The following TUSC3 variants were observed in gnomAD, a reference collection of about 807,000 sequenced individuals.
TUSC3 encodes the protein tumor suppressor candidate 3.
Under a neutral mutation model 44.8 loss-of-function variants are expected in TUSC3, and 45 were observed. That is an observed-to-expected ratio of 1.00 (90% CI 0.79 to 1.29). The LOEUF is 1.29. Among genes scored for constraint, TUSC3 ranks in the 50% most tolerant of loss-of-function variants. The pLI, the probability that TUSC3 is intolerant of heterozygous loss-of-function variation, is 0.00. For missense variants in TUSC3, 519 were observed against 437.9 expected (o/e 1.19, Z -1.65); for synonymous variants, 212 against 152.9 (o/e 1.39, Z -2.85).
chr8:15,838,168 G>C, the TUSC3 span, among the ~76,000 whole-genome samples: 1 of 152,184 alleles, frequency 6.6e-6, no homozygotes, highest in South Asian at 2.1e-4. Flanking sequence ...TATCTTCCTA[G>C]CCTGTGCACA....
intron 1 of TUSC3, among the ~76,000 whole-genome samples, chr8:15,427,614 C>A (rs1799819999): frequency 6.6e-6 from 1 of 152,118 alleles, no homozygotes; most frequent in African/African-American, 2.4e-5. Context: ...TCCTTTCATT[C>A]CCGCTGTAAA....
At chr8:15,451,283 G>C (rs987989752) in intron 1 of TUSC3, among the ~76,000 whole-genome samples, 1 of 152,118 alleles carries the variant, frequency 6.6e-6, no homozygotes, top group Admixed American at 6.5e-5. Context: ...AATCCCTTTA[G>C]TAATAAGTGT....
intron 9 of TUSC3, among the ~76,000 whole-genome samples, chr8:15,750,970 G>C (rs62503677): frequency 0.19 from 29,104 of 152,184 alleles, 3,665 homozygotes; most frequent in Non-Finnish European, 0.28. Flanking sequence ...AATCAGAAGA[G>C]AGCCTATCAA....
chr8:15,702,110 G>A (rs1304870538), intron 6 of TUSC3, among the ~76,000 whole-genome samples: 1 of 152,080 alleles, frequency 6.6e-6, no homozygotes, highest in African/African-American at 2.4e-5. Flanking sequence ...TGTGGAGAAC[G>A]AAATCAAGAG....
At position 15,427,837 on chromosome 8, in the gene TUSC3, C is replaced by G. The variant is rs148240873; in HGVS notation, n.91+10532C>G. ...AAAAAATCTTTGACAACACCAATGTCAAGAAGCTTTTCCCCTGTTTTCTTC... is the reference window on the plus strand; with the variant it reads ...AAAAAATCTTTGACAACACCAATGTGAAGAAGCTTTTCCCCTGTTTTCTTC... On this transcript the variant is annotated intron_variant and non_coding_transcript_variant, in intron 1 of 5. Transcript: ENST00000503191. Among the ~76,000 whole-genome samples the G allele has an allele frequency of 1.1e-4, 16 of 152,252 alleles. No homozygotes were observed. In the South Asian group the frequency reaches 3.1e-3, roughly 30 times the overall value.
chr8:15,488,698 T>C (rs1336530152), intron 2 of TUSC3, among the ~76,000 whole-genome samples: 1 of 152,164 alleles, frequency 6.6e-6, no homozygotes, highest in African/African-American at 2.4e-5. Context: ...AAAGATGTCA[T>C]AGCTCATTTT....
intron 1 of TUSC3, among the ~76,000 whole-genome samples, chr8:15,613,818 C>G (rs145645039): frequency 3.3e-5 from 5 of 152,202 alleles, no homozygotes; most frequent in African/African-American, 1.2e-4. Flanking sequence ...ACTTTTTTGA[C>G]CCAACTTTCA....
chr8:15,474,622 T>A (rs548097587), intron 1 of TUSC3, among the ~76,000 whole-genome samples: 4 of 152,206 alleles, frequency 2.6e-5, no homozygotes, highest in Non-Finnish European at 5.9e-5. Flanking sequence ...GAAAATTCAG[T>A]AAAGACAATG....
intron 4 of TUSC3, among the ~76,000 whole-genome samples, chr8:15,660,639 C>G (rs763475400): frequency 6.6e-6 from 1 of 151,762 alleles, no homozygotes; most frequent in African/African-American, 2.4e-5. Flanking sequence ...GTGGTAATTG[C>G]CCACATGGTA....
intron 2 of TUSC3, 88 bp downstream of exon 2, chr8:15,623,337 AG>A (rs1805336621): frequency 1.5e-6 from 2 of 1,305,638 alleles, no homozygotes; most frequent in Non-Finnish European, 2.0e-6. Flanking sequence ...AATATATGTA[AG>A]ATAAACAGTT....
intron 1 of TUSC3, among the ~76,000 whole-genome samples, chr8:15,595,459 A>G (rs1021748642): frequency 2.0e-4 from 30 of 151,976 alleles, no homozygotes; most frequent in Non-Finnish European, 7.4e-5. Context: ...CTCTCAAGGG[A>G]GTAGGGTGGA....
At chr8:15,680,896 A>G (rs1808399464) in intron 6 of TUSC3, among the ~76,000 whole-genome samples, 1 of 152,110 alleles carries the variant, frequency 6.6e-6, no homozygotes, top group Admixed American at 6.5e-5. Context: ...TGATTTGTGT[A>G]TGTTGAACCA....
rs562076295 is a variant in TUSC3 at position 15,736,949 on chromosome 8, A to G, written c.862+6220A>G. Among the ~76,000 whole-genome samples the G allele has an allele frequency of 2.6e-5, 4 of 152,260 alleles. No homozygotes were observed. In the South Asian group the frequency reaches 8.3e-4, roughly 32 times the overall value. Reference sequence around the variant, plus strand: ...ACCTAAGTTAGAAGATCTCAAGAAAATGACATGAAATAAATATTAGTTAGA... The same window carrying G: ...ACCTAAGTTAGAAGATCTCAAGAAAGTGACATGAAATAAATATTAGTTAGA... On this transcript the variant is annotated intron_variant, in intron 7 of 10. Transcript: ENST00000503731.
At chr8:15,741,822 A>G (rs929471878) in intron 7 of TUSC3, among the ~76,000 whole-genome samples, 4 of 152,216 alleles carry the variant, frequency 2.6e-5, no homozygotes, top group African/African-American at 9.6e-5. Flanking sequence ...TGCAGAAAAA[A>G]TGATTAAAGG....
chr8:15,540,269 C>G lies in TUSC3; in HGVS notation c.-162C>G. The G allele has an allele frequency of 4.9e-6, 5 of 1,017,036 alleles. No homozygotes were observed. Among genetic ancestry groups the G allele is most frequent in the Non-Finnish European group, 6.6e-6 (5 of 759,356 alleles). The allele number at this position is 1,017,036 out of a possible 1,614,324, so 63.0% of individuals were successfully genotyped here. A position where few individuals can be genotyped will look rare whatever the true frequency, so the allele number is the denominator to read the frequency against. Reference sequence around the variant, plus strand: ...GTGAACCGGATGCTCTGTCAGTCTCCTCCTCTGCGTCCTCGGCCGCGGCCC... The same window carrying G: ...GTGAACCGGATGCTCTGTCAGTCTCGTCCTCTGCGTCCTCGGCCGCGGCCC... On this transcript the variant is annotated 5_prime_UTR_variant, in exon 1 of 11. Transcript: ENST00000503731.
intron 1 of TUSC3, among the ~76,000 whole-genome samples, chr8:15,424,848 C>T (rs2129115866): frequency 6.6e-6 from 1 of 151,328 alleles, no homozygotes; most frequent in Admixed American, 6.6e-5. Flanking sequence ...CACTGTATTC[C>T]AGCCTGGGTG....
At position 15,513,431 on chromosome 8, in the gene TUSC3, G is replaced by A. The variant is rs535375999; in HGVS notation, n.189+29948G>A. Reference sequence around the variant, plus strand: ...GGATATAAATTGAGAACTGCAGACTGTAATTTAAAAACATGAAGGCAAAAT... The same window carrying A: ...GGATATAAATTGAGAACTGCAGACTATAATTTAAAAACATGAAGGCAAAAT... On this transcript the variant is annotated intron_variant and non_coding_transcript_variant, in intron 2 of 5. Transcript: ENST00000503191. Among the ~76,000 whole-genome samples the A allele has an allele frequency of 2.0e-5, 3 of 152,262 alleles. No homozygotes were observed. In the East Asian group the frequency reaches 5.8e-4, roughly 29 times the overall value.
chr8:15,625,613 C>T (rs1253256570), intron 2 of TUSC3, among the ~76,000 whole-genome samples: 1 of 152,114 alleles, frequency 6.6e-6, no homozygotes, highest in Non-Finnish European at 1.5e-5. Flanking sequence ...CAGCATTGTC[C>T]ATGTTGTATA....
At chr8:15,806,625 C>G in the TUSC3 span, 1 of 1,403,280 alleles carries the variant, frequency 7.1e-7, no homozygotes, top group East Asian at 2.3e-5. Flanking sequence ...TCAGATCTTT[C>G]AGTGTCATGG....
Sources: gnomAD v4.1 joint callset for allele counts (sites outside exome capture counted in the v4.1 genomes callset) on GRCh38, gnomAD v4.1.1 for gene constraint, MANE v1.5 for transcripts, NCBI Gene and HGNC (gene_info 2026-07-23, HGNC 2026-07-21) for gene names.